The following ADAMTSL1 variants were observed in gnomAD, a reference collection of about 807,000 sequenced individuals.
ADAMTSL1 encodes the protein ADAMTS like 1.
A neutral mutation model predicts 201.8 loss-of-function variants in ADAMTSL1; 126 were observed. That is an observed-to-expected ratio of 0.62 (90% CI 0.54 to 0.72). The LOEUF is 0.72. ADAMTSL1 is among the 30% of genes least tolerant of loss of function. The pLI, the probability that ADAMTSL1 is intolerant of heterozygous loss-of-function variation, is 0.00. For missense variants in ADAMTSL1, 2,679 were observed against 2,277.8 expected, an observed-to-expected ratio of 1.18 and a Z score of -3.59; for synonymous variants, 1,121 against 903.4, an observed-to-expected ratio of 1.24 and a Z score of -4.32.
At chr9:18,678,910 A>C (rs1830281851) in intron 10 of ADAMTSL1, among the ~76,000 whole-genome samples, 1 of 152,172 alleles carries the variant, frequency 6.6e-6, no homozygotes, top group Non-Finnish European at 1.5e-5. Context: ...CTCTTGAAAG[A>C]GATCAGAAAG....
chr9:18,100,000 A>C (rs1564000193), intron 1 of ADAMTSL1, among the ~76,000 whole-genome samples: 1 of 152,056 alleles, frequency 6.6e-6, no homozygotes, highest in Non-Finnish European at 1.5e-5. Context: ...TATTTCTGAT[A>C]TAATTATTCT....
At chr9:18,259,271 C>T (rs750011244) in intron 2 of ADAMTSL1, among the ~76,000 whole-genome samples, 2 of 152,118 alleles carry the variant, frequency 1.3e-5, no homozygotes, top group African/African-American at 4.8e-5. Flanking sequence ...TTAAATTCCT[C>T]ATCTACGCTT....
intron 3 of ADAMTSL1, among the ~76,000 whole-genome samples, chr9:18,550,941 T>C (rs1820765397): frequency 6.6e-6 from 1 of 151,952 alleles, no homozygotes; most frequent in Admixed American, 6.6e-5. Context: ...TTTTTGGAAA[T>C]GCAAGTTTAG....
chr9:18,596,506 G>T (rs555886233), intron 4 of ADAMTSL1, among the ~76,000 whole-genome samples: 1 of 152,224 alleles, frequency 6.6e-6, no homozygotes, highest in Admixed American at 6.5e-5. Flanking sequence ...CTGACATGGT[G>T]CCTCAGCCTC....
intron 15 of ADAMTSL1, among the ~76,000 whole-genome samples, chr9:18,735,897 TA>T (rs5896803): frequency 0.29 from 41,290 of 143,618 alleles, 5,974 homozygotes; most frequent in South Asian, 0.4. Flanking sequence ...TCTCTCAAAT[TA>T]AAAAAAAAAA....
chr9:18,119,604 T>A (rs925624653), intron 1 of ADAMTSL1, among the ~76,000 whole-genome samples: 6 of 152,072 alleles, frequency 3.9e-5, no homozygotes, highest in Non-Finnish European at 8.8e-5. Flanking sequence ...TAATATGAGG[T>A]TGCTTTCCTT....
intron 1 of ADAMTSL1, among the ~76,000 whole-genome samples, chr9:17,994,040 T>C (rs887214470): frequency 6.6e-6 from 1 of 151,842 alleles, no homozygotes; most frequent in Non-Finnish European, 1.5e-5. Context: ...ATACAGATTG[T>C]GCTTCCCCTC....
chr9:18,530,693 A>G (rs1819389259), intron 2 of ADAMTSL1, among the ~76,000 whole-genome samples: 2 of 152,168 alleles, frequency 1.3e-5, no homozygotes, highest in Admixed American at 1.3e-4. Context: ...TAATTTATCT[A>G]ACATCTACAT....
At chr9:18,537,848 T>C (rs1269298018) in intron 3 of ADAMTSL1, among the ~76,000 whole-genome samples, 1 of 140,242 alleles carries the variant, frequency 7.1e-6, no homozygotes, top group East Asian at 2.1e-4. Context: ...CACTCAAGAC[T>C]GGAAGACAGA....
intron 1 of ADAMTSL1, among the ~76,000 whole-genome samples, chr9:17,980,876 G>A (rs1818662832): frequency 6.6e-6 from 1 of 152,160 alleles, no homozygotes; most frequent in African/African-American, 2.4e-5. Flanking sequence ...GGGGCTTCAG[G>A]CTTCTGCCCA....
At chr9:18,029,232 C>G (rs1040894355) in intron 1 of ADAMTSL1, among the ~76,000 whole-genome samples, 4 of 152,106 alleles carry the variant, frequency 2.6e-5, no homozygotes, top group Admixed American at 2.0e-4. Flanking sequence ...TCCTCTTTTC[C>G]TATTTGAATA....
intron 1 of ADAMTSL1, among the ~76,000 whole-genome samples, chr9:17,933,208 T>C (rs1225617516): frequency 6.6e-6 from 1 of 152,172 alleles, no homozygotes; most frequent in Non-Finnish European, 1.5e-5. Flanking sequence ...TTCTGGGTTC[T>C]GGTAGCTTTC....
chr9:18,359,827 G>GCT (rs1836429969), intron 2 of ADAMTSL1, among the ~76,000 whole-genome samples: 1 of 39,322 alleles, frequency 2.5e-5, no homozygotes, highest in African/African-American at 8.4e-5. Flanking sequence ...CTCCCCACCC[G>GCT]CCCCCCCGCC....
chr9:18,296,640 A>T (rs1279582272), intron 2 of ADAMTSL1, among the ~76,000 whole-genome samples: 2 of 152,216 alleles, frequency 1.3e-5, no homozygotes, highest in African/African-American at 4.8e-5. Flanking sequence ...AATGAGTTAC[A>T]TACAGATATT....
At chr9:18,274,593 G>A (rs1365973334) in intron 2 of ADAMTSL1, among the ~76,000 whole-genome samples, 1 of 152,088 alleles carries the variant, frequency 6.6e-6, no homozygotes, top group Non-Finnish European at 1.5e-5. Flanking sequence ...CTCATTTAGA[G>A]AGAAACAAGT....
intron 2 of ADAMTSL1, among the ~76,000 whole-genome samples, chr9:18,228,941 G>T (rs550641928): frequency 6.7e-6 from 1 of 148,380 alleles, no homozygotes; most frequent in African/African-American, 2.5e-5. Context: ...CTAAGCTTTT[G>T]GTTTTCTTCC....
intron 2 of ADAMTSL1, among the ~76,000 whole-genome samples, chr9:18,349,711 A>T (rs1563904414): frequency 6.6e-6 from 1 of 152,094 alleles, no homozygotes; most frequent in Non-Finnish European, 1.5e-5. Flanking sequence ...GCTGGAATCT[A>T]TTCAAGGCAA....
chr9:18,233,612 G>T (rs1008364342), intron 2 of ADAMTSL1, among the ~76,000 whole-genome samples: 6 of 151,432 alleles, frequency 4.0e-5, no homozygotes, highest in Non-Finnish European at 5.9e-5. Flanking sequence ...AGGTGAGACA[G>T]ACAGCAGACA....
intron 2 of ADAMTSL1, among the ~76,000 whole-genome samples, chr9:18,452,586 T>A (rs1587257723): frequency 6.6e-6 from 1 of 152,208 alleles, no homozygotes; most frequent in Admixed American, 6.5e-5. Flanking sequence ...TCTTTCTAGC[T>A]ACAAGCCTAT....
Sources: allele counts gnomAD v4.1 joint callset (sites outside exome capture counted in the v4.1 genomes callset), GRCh38; gene constraint gnomAD v4.1.1; transcripts MANE v1.5; gene names NCBI Gene and HGNC (gene_info 2026-07-23, HGNC 2026-07-21).